CDKL4: variants seen among roughly 807,000 people sequenced by gnomAD.
CDKL4 encodes the protein cyclin-dependent kinase-like 4.
In CDKL4, 44 loss-of-function variants were observed where a neutral mutation model predicts 42.0. The ratio of observed to expected loss-of-function variants is 1.05; its 90% CI spans 0.82 to 1.35. The LOEUF is 1.35. Among genes scored for constraint, CDKL4 ranks in the 40% most tolerant of loss-of-function variants. The probability of loss-of-function intolerance (pLI) is 0.00; values close to 1 mark genes in which losing one functional copy is unlikely to be tolerated. For missense variants in CDKL4, 393 were observed against 369.9 expected (o/e 1.06, Z -0.51); for synonymous variants, 120 against 121.6 (o/e 0.99, Z 0.09).
chr2:39,193,795 G>A (rs1676342982), intron 5 of CDKL4, among the ~76,000 whole-genome samples: 1 of 152,164 alleles, frequency 6.6e-6, no homozygotes, highest in South Asian at 2.1e-4. Context: ...TGAACCTTTT[G>A]GAATAGAATT....
At chr2:39,212,552 G>T (rs1308243955) in intron 4 of CDKL4, among the ~76,000 whole-genome samples, 1 of 151,646 alleles carries the variant, frequency 6.6e-6, no homozygotes, top group Non-Finnish European at 1.5e-5. Context: ...TTTTAAAAAG[G>T]AAAGGAAAGG....
intron 8 of CDKL4, among the ~76,000 whole-genome samples, chr2:39,181,479 G>T (rs1675435411): frequency 6.6e-6 from 1 of 152,068 alleles, no homozygotes; most frequent in African/African-American, 2.4e-5. Flanking sequence ...ACCTGCAGGT[G>T]CAACTGCTTA....
chr2:39,168,751 T>G, the CDKL4 span, among the ~76,000 whole-genome samples: 1 of 151,192 alleles, frequency 6.6e-6, no homozygotes, highest in Admixed American at 6.6e-5. Context: ...GTTTTTTTTT[T>G]GTTTTTTTGT....
intron 4 of CDKL4, among the ~76,000 whole-genome samples, chr2:39,213,081 C>A (rs1202348736): frequency 6.6e-6 from 1 of 151,952 alleles, no homozygotes; most frequent in Non-Finnish European, 1.5e-5. Context: ...TTGATTCTTA[C>A]AGAAATTGGA....
chr2:39,177,845 C>G (rs1050339531), intron 9 of CDKL4, among the ~76,000 whole-genome samples: 1 of 151,858 alleles, frequency 6.6e-6, no homozygotes, highest in African/African-American at 2.4e-5. Flanking sequence ...CCCGCCACCA[C>G]ACCCGGCTAA....
downstream of CDKL4, among the ~76,000 whole-genome samples, chr2:39,173,455 T>C (rs139101574): frequency 5.3e-5 from 8 of 152,202 alleles, no homozygotes; most frequent in East Asian, 1.9e-4. Flanking sequence ...GGCAGGGAGA[T>C]TGCTTGAGCC....
At chr2:39,178,521 C>T in intron 9 of CDKL4, 1 of 1,548,362 alleles carries the variant, frequency 6.5e-7, no homozygotes, top group South Asian at 1.2e-5. Flanking sequence ...AAGCCCTGAA[C>T]CAAAACAAAC....
At chr2:39,176,052 T>C in exon 10 of CDKL4, 1 of 470,910 alleles carries the variant, frequency 2.1e-6, no homozygotes, top group South Asian at 1.6e-5. Context: ...TTCCATCAGG[T>C]GTGGGGGAGA....
intron 1 of CDKL4, among the ~76,000 whole-genome samples, chr2:39,237,284 T>C (rs902750842): frequency 2.0e-5 from 3 of 152,134 alleles, no homozygotes; most frequent in African/African-American, 4.8e-5. Context: ...ACCATATTAA[T>C]AGAATAAAAG....
chr2:39,189,377 A>G (rs1676037879), intron 6 of CDKL4, among the ~76,000 whole-genome samples: 1 of 152,232 alleles, frequency 6.6e-6, no homozygotes. Context: ...CAATCATGGA[A>G]GCTCCCTAAG....
intron 3 of CDKL4, among the ~76,000 whole-genome samples, chr2:39,220,999 T>G (rs1678308890): frequency 1.3e-4 from 6 of 45,386 alleles, no homozygotes; most frequent in African/African-American, 3.7e-4. Flanking sequence ...TTTTTTTTTT[T>G]TGTTTTTTTT....
exon 4 of CDKL4, chr2:39,213,407 A>G (rs1343156299): frequency 1.3e-6 from 2 of 1,583,472 alleles, no homozygotes; most frequent in Admixed American, 1.7e-5. Flanking sequence ...TACGTTATGT[A>G]TATGACAGAA....
At chr2:39,177,014 A>C (rs1054758378) in intron 9 of CDKL4, among the ~76,000 whole-genome samples, 1 of 152,198 alleles carries the variant, frequency 6.6e-6, no homozygotes, top group East Asian at 1.9e-4. Flanking sequence ...TAGGTGCTAC[A>C]GGGGGACCCA....
At chr2:39,229,976 A>C (rs1678995628) in intron 1 of CDKL4, among the ~76,000 whole-genome samples, 1 of 152,264 alleles carries the variant, frequency 6.6e-6, no homozygotes, top group Non-Finnish European at 1.5e-5. Flanking sequence ...ACCCAAGTGC[A>C]TACACAATGA....
chr2:39,223,176 T>C (rs998486010), intron 3 of CDKL4, among the ~76,000 whole-genome samples: 1 of 152,168 alleles, frequency 6.6e-6, no homozygotes, highest in African/African-American at 2.4e-5. Flanking sequence ...TGGATGGATA[T>C]ACCAAAATGC....
chr2:39,193,815 C>G (rs1356354574), intron 5 of CDKL4, among the ~76,000 whole-genome samples: 1 of 152,132 alleles, frequency 6.6e-6, no homozygotes, highest in Non-Finnish European at 1.5e-5. Flanking sequence ...TGGGACCAGT[C>G]TGTGTGTGCA....
chr2:39,208,377 G>A (rs562338675), intron 4 of CDKL4, among the ~76,000 whole-genome samples: 1 of 145,360 alleles, frequency 6.9e-6, no homozygotes, highest in African/African-American at 2.5e-5. Flanking sequence ...GTCGCTCTTT[G>A]TTGCTCAGGC....
chr2:39,243,113 C>CAAAAAAAAAAA (rs57132937), intron 1 of CDKL4, among the ~76,000 whole-genome samples: 4 of 38,442 alleles, frequency 1.0e-4, no homozygotes, highest in Non-Finnish European at 1.2e-4. Context: ...GACCCTGTCT[C>CAAAAAAAAAAA]AAAAAAAAAA....
chr2:39,234,526 A>G (rs1679256446), intron 1 of CDKL4, among the ~76,000 whole-genome samples: 1 of 152,222 alleles, frequency 6.6e-6, no homozygotes, highest in Non-Finnish European at 1.5e-5. Flanking sequence ...AAGACAAAAC[A>G]ATGAAACAGA....
Sources: allele counts gnomAD v4.1 joint callset (sites outside exome capture counted in the v4.1 genomes callset), GRCh38; gene constraint gnomAD v4.1.1; transcripts MANE v1.5; gene names NCBI Gene and HGNC (gene_info 2026-07-23, HGNC 2026-07-21).